ATP8A2: variants seen among roughly 807,000 people sequenced by gnomAD.
ATP8A2 encodes phospholipid-transporting ATPase IB.
ATP8A2 carries 100 observed loss-of-function variants against 165.6 expected under a neutral mutation model. The observed-to-expected ratio is 0.60, with a 90% CI of 0.51 to 0.71. The LOEUF (loss-of-function observed/expected upper bound fraction) is 0.71. Ranked by LOEUF, ATP8A2 falls within the 30% of genes least tolerant of loss-of-function variation. The pLI is 0.00. For synonymous variants in ATP8A2, 543 were observed against 548.8 expected (o/e 0.99, Z 0.15); for missense variants, 1,227 against 1,479.5 (o/e 0.83, Z 2.80).
chr13:25,910,624 C>G (rs1201127795), intron 33 of ATP8A2, among the ~76,000 whole-genome samples: 1 of 151,978 alleles, frequency 6.6e-6, no homozygotes, highest in East Asian at 1.9e-4. Flanking sequence ...ACGGGTGTCT[C>G]CTATATTTAA....
At chr13:25,653,831 G>A (rs2041869228) in intron 24 of ATP8A2, among the ~76,000 whole-genome samples, 1 of 152,138 alleles carries the variant, frequency 6.6e-6, no homozygotes. Context: ...AGGAGGATAA[G>A]CATATGAGCT....
intron 25 of ATP8A2, among the ~76,000 whole-genome samples, chr13:25,729,567 A>G (rs80055534): frequency 0.017 from 2,649 of 152,308 alleles, 71 homozygotes; most frequent in African/African-American, 0.06. Flanking sequence ...TGTCATTTAT[A>G]TGGACTGTGT....
At chr13:25,580,898 TA>T (rs1416439790) in intron 22 of ATP8A2, among the ~76,000 whole-genome samples, 3 of 152,154 alleles carry the variant, frequency 2.0e-5, no homozygotes, top group African/African-American at 4.8e-5. Flanking sequence ...TTTGTTGGTT[TA>T]AAAAAATTCT....
At chr13:25,508,333 G>A (rs994193405) in intron 2 of ATP8A2, among the ~76,000 whole-genome samples, 2 of 152,098 alleles carry the variant, frequency 1.3e-5, no homozygotes, top group Admixed American at 6.5e-5. Flanking sequence ...TCAGGCAATC[G>A]ATCTCCTAGA....
At chr13:26,004,337 C>T (rs916107727) in intron 35 of ATP8A2, among the ~76,000 whole-genome samples, 15 of 152,036 alleles carry the variant, frequency 9.9e-5, no homozygotes, top group Admixed American at 9.8e-4. Context: ...TATAAAAACA[C>T]TACTCATTTC....
At chr13:25,700,004 G>A (rs2042918324) in intron 25 of ATP8A2, among the ~76,000 whole-genome samples, 1 of 152,200 alleles carries the variant, frequency 6.6e-6, no homozygotes, top group South Asian at 2.1e-4. Flanking sequence ...GAGAGCTGGA[G>A]GGGCTGGCTA....
intron 35 of ATP8A2, among the ~76,000 whole-genome samples, chr13:26,004,913 T>C (rs1956709947): frequency 6.8e-6 from 1 of 147,596 alleles, no homozygotes; most frequent in South Asian, 2.2e-4. Flanking sequence ...GATTTTTGTA[T>C]ATATAGTCAT....
At chr13:25,999,030 G>A (rs889719643) in intron 35 of ATP8A2, among the ~76,000 whole-genome samples, 13 of 152,170 alleles carry the variant, frequency 8.5e-5, no homozygotes, top group African/African-American at 1.9e-4. Context: ...AATGCTGGGC[G>A]TTATGGATAG....
chr13:25,861,963 G>A (rs1406566298), intron 32 of ATP8A2, among the ~76,000 whole-genome samples: 3 of 152,178 alleles, frequency 2.0e-5, no homozygotes, highest in African/African-American at 7.2e-5. Flanking sequence ...AGATTAATGA[G>A]TCCTTGTTGT....
chr13:25,389,404 A>G (rs2033165861), intron 1 of ATP8A2, among the ~76,000 whole-genome samples: 1 of 152,232 alleles, frequency 6.6e-6, no homozygotes, highest in African/African-American at 2.4e-5. Flanking sequence ...GCACTGGCAC[A>G]GTCCAAGCAC....
At chr13:25,917,004 C>G (rs1954287836) in intron 33 of ATP8A2, among the ~76,000 whole-genome samples, 1 of 152,148 alleles carries the variant, frequency 6.6e-6, no homozygotes, top group African/African-American at 2.4e-5. Context: ...TCCTTATCAT[C>G]AGTCCAATTG....
Position 25,475,786 on chromosome 13 carries a change from A to G in ATP8A2, c.221+6665A>G, listed in dbSNP as rs147125851. Among the ~76,000 whole-genome samples the G allele has an allele frequency of 2.8e-3, 428 of 151,992 alleles. 3 individuals carry two copies. The highest frequency in any genetic ancestry group is 9.7e-3 in the African/African-American group (403 of 41,468). On this transcript the variant is annotated intron_variant, in intron 2 of 36. Transcript: ENST00000381655. ...ATCGGTGATAGTGAGCATTTTTTTC[A>G]TATGTTTGTTGGTGGCATGTGTGTC...
chr13:25,603,026 C>G (rs371147428), intron 24 of ATP8A2, among the ~76,000 whole-genome samples: 2 of 151,984 alleles, frequency 1.3e-5, no homozygotes, highest in African/African-American at 4.8e-5. Context: ...GAGCCGAGAT[C>G]GTGCCACTGC....
intron 29 of ATP8A2, among the ~76,000 whole-genome samples, chr13:25,837,651 G>A (rs754671581): frequency 6.6e-6 from 1 of 152,124 alleles, no homozygotes; most frequent in Non-Finnish European, 1.5e-5. Context: ...TCCCCCTTGC[G>A]TGGTCCTGCA....
intron 33 of ATP8A2, among the ~76,000 whole-genome samples, chr13:25,910,104 G>A (rs1209792687): frequency 6.6e-6 from 1 of 152,174 alleles, no homozygotes. Flanking sequence ...GAAAAGGGAT[G>A]CACAAGTTTC....
intron 10 of ATP8A2, among the ~76,000 whole-genome samples, chr13:25,546,469 A>G (rs2038653243): frequency 6.6e-6 from 1 of 151,536 alleles, no homozygotes; most frequent in Non-Finnish European, 1.5e-5. Context: ...TGCTTGTGCT[A>G]CTTGACCACA....
intron 24 of ATP8A2, among the ~76,000 whole-genome samples, chr13:25,692,882 G>A (rs371157616): frequency 6.6e-5 from 10 of 152,276 alleles, no homozygotes; most frequent in East Asian, 5.8e-4. Context: ...TAAATTATGC[G>A]TTTGTTTAAT....
intron 24 of ATP8A2, among the ~76,000 whole-genome samples, chr13:25,678,142 A>G (rs532196973): frequency 6.6e-6 from 1 of 152,034 alleles, no homozygotes; most frequent in African/African-American, 2.4e-5. Context: ...TTGGCCTTCA[A>G]CTCTGTGTCC....
chr13:25,769,271 A>G (rs2044565943), intron 26 of ATP8A2, 42 bp downstream of exon 26: 1 of 1,569,648 alleles, frequency 6.4e-7, no homozygotes, highest in South Asian at 1.2e-5. Flanking sequence ...CTGTTGAGAG[A>G]TGATAGCTGG....
Sources: gnomAD v4.1 joint callset for allele counts (sites outside exome capture counted in the v4.1 genomes callset) on GRCh38, gnomAD v4.1.1 for gene constraint, MANE v1.5 for transcripts, NCBI Gene and HGNC (gene_info 2026-07-23, HGNC 2026-07-21) for gene names.